Variants in KIAA0040 observed in about 807,000 individuals in gnomAD.
The protein encoded by KIAA0040 is uncharacterized protein KIAA0040.
A neutral mutation model predicts 7.2 loss-of-function variants in KIAA0040; 10 were observed. The ratio of observed to expected loss-of-function variants is 1.38; its 90% confidence interval spans 0.85 to 2.34. KIAA0040 has a LOEUF of 2.34. Among genes scored for constraint, KIAA0040 ranks in the 30% most tolerant of loss-of-function variants. The probability of loss-of-function intolerance (pLI) is 0.00; values close to 1 mark genes in which losing one functional copy is unlikely to be tolerated. For missense variants in KIAA0040, 89 were observed against 108.2 expected (o/e 0.82, Z 0.79); for synonymous variants, 49 against 40.1 (o/e 1.22, Z -0.84).
chr1:175,171,289 G>T (rs1676982906), intron 2 of KIAA0040, among the ~76,000 whole-genome samples: 1 of 152,164 alleles, frequency 6.6e-6, no homozygotes, highest in African/African-American at 2.4e-5. Flanking sequence ...CAATGCTGCT[G>T]TCACGCTGGT....
chr1:175,185,999 A>G (rs1317294313), intron 1 of KIAA0040, among the ~76,000 whole-genome samples: 1 of 152,244 alleles, frequency 6.6e-6, no homozygotes, highest in East Asian at 1.9e-4. Context: ...CCATAGAGGT[A>G]GGATGCAGAT....
intron 2 of KIAA0040, among the ~76,000 whole-genome samples, chr1:175,169,907 A>T (rs1051309765): frequency 1.3e-5 from 2 of 151,958 alleles, no homozygotes; most frequent in Admixed American, 6.5e-5. Context: ...CCCTCCCTCA[A>T]TGTATTTAAT....
intron 1 of KIAA0040, among the ~76,000 whole-genome samples, chr1:175,178,087 T>G (rs920414258): frequency 6.6e-6 from 1 of 152,240 alleles, no homozygotes; most frequent in Non-Finnish European, 1.5e-5. Context: ...AATGGCTGGA[T>G]GGAGACCACT....
At chr1:175,176,386 C>T (rs2101896077) in intron 2 of KIAA0040, 1 of 152,222 alleles carries the variant, frequency 6.6e-6, no homozygotes, top group East Asian at 1.9e-4. Flanking sequence ...ATTCTCATTC[C>T]AATAATAACT....
At chr1:175,170,088 G>C (rs1282323736) in intron 2 of KIAA0040, among the ~76,000 whole-genome samples, 1 of 152,214 alleles carries the variant, frequency 6.6e-6, no homozygotes, top group Non-Finnish European at 1.5e-5. Flanking sequence ...TCTGAACTGA[G>C]ATCTCGGGGT....
chr1:175,182,066 T>A (rs1677462276), intron 1 of KIAA0040, among the ~76,000 whole-genome samples: 1 of 152,220 alleles, frequency 6.6e-6, no homozygotes, highest in Admixed American at 6.5e-5. Context: ...GTTCTGGCCG[T>A]AGGAGGAGGC....
At chr1:175,168,337 T>C (rs1676853431) in intron 2 of KIAA0040, among the ~76,000 whole-genome samples, 1 of 152,176 alleles carries the variant, frequency 6.6e-6, no homozygotes, top group Admixed American at 6.5e-5. Context: ...TTTTCCCCAA[T>C]TTAATGAATT....
intron 2 of KIAA0040, among the ~76,000 whole-genome samples, chr1:175,170,810 C>A (rs1676960448): frequency 6.6e-6 from 1 of 151,896 alleles, no homozygotes. Context: ...CTGTTCTCCC[C>A]ACCAGAGCCA....
In KIAA0040 at chr1:175,161,043, C is replaced by T; in HGVS notation, c.-30G>A. The T allele has an allele frequency of 1.3e-6, 2 of 1,525,332 alleles. No individual in the cohort carries two copies. Among genetic ancestry groups the T allele is most frequent in the Non-Finnish European group, 1.8e-6 (2 of 1,133,990 alleles). The allele number at this position is 1,525,332 out of a possible 1,614,324, so 94.5% of individuals were successfully genotyped here. On this transcript the variant is annotated 5_prime_UTR_variant, in exon 4 of 4. Transcript: ENST00000423313. ...CTTGGCTAGATTAGGGCCAGAGAACCCTCTCGGCTTACAAGCAGGTCCTGG... is the reference window on the plus strand; with the variant it reads ...CTTGGCTAGATTAGGGCCAGAGAACTCTCTCGGCTTACAAGCAGGTCCTGG...
At chr1:175,173,439 G>T (rs1024838795) in intron 2 of KIAA0040, among the ~76,000 whole-genome samples, 1 of 152,216 alleles carries the variant, frequency 6.6e-6, no homozygotes, top group Non-Finnish European at 1.5e-5. Context: ...CAACTCAAGA[G>T]ATAGGCTTTT....
intron 2 of KIAA0040, among the ~76,000 whole-genome samples, chr1:175,173,502 G>A (rs3766695): frequency 0.24 from 36,015 of 152,098 alleles, 5,123 homozygotes; most frequent in Admixed American, 0.4. Context: ...AGATTTAAGT[G>A]ATTCGCCCAA....
intron 1 of KIAA0040, among the ~76,000 whole-genome samples, chr1:175,185,397 A>G (rs1677619982): frequency 6.6e-6 from 1 of 152,218 alleles, no homozygotes; most frequent in African/African-American, 2.4e-5. Context: ...ACTCAGTTAT[A>G]CCAAGAAGGG....
At chr1:175,165,174 AC>A (rs1676708282) in intron 3 of KIAA0040, among the ~76,000 whole-genome samples, 1 of 152,132 alleles carries the variant, frequency 6.6e-6, no homozygotes, top group African/African-American at 2.4e-5. Context: ...TCTGTCGCAA[AC>A]TTCTATCCAC....
intron 3 of KIAA0040, among the ~76,000 whole-genome samples, chr1:175,166,231 C>A (rs376516535): frequency 2.0e-5 from 3 of 152,204 alleles, no homozygotes; most frequent in Non-Finnish European, 4.4e-5. Flanking sequence ...GAGCTTTCTA[C>A]CTTGGGTGCG....
At chr1:175,178,793 T>A (rs1677310876) in intron 1 of KIAA0040, among the ~76,000 whole-genome samples, 1 of 152,206 alleles carries the variant, frequency 6.6e-6, no homozygotes, top group African/African-American at 2.4e-5. Flanking sequence ...GTTGTGAAAG[T>A]CAAATACTAA....
At chr1:175,177,813 T>C (rs1385510485) in intron 1 of KIAA0040, 129 bp from the exon 2 acceptor site, 1 of 152,230 alleles carries the variant, frequency 6.6e-6, no homozygotes, top group Non-Finnish European at 1.5e-5. Flanking sequence ...ATCACATGCA[T>C]ACACTTTCTA....
At chr1:175,189,333 T>C (rs1571221026) in intron 1 of KIAA0040, among the ~76,000 whole-genome samples, 2 of 152,258 alleles carry the variant, frequency 1.3e-5, no homozygotes, top group Admixed American at 6.5e-5. Flanking sequence ...ACCAGCACCT[T>C]GGTGAGAATT....
chr1:175,175,535 G>C (rs10753093), intron 2 of KIAA0040, among the ~76,000 whole-genome samples: 146,310 of 151,106 alleles, frequency 0.97, 70,841 homozygotes, highest in East Asian at 0.99. Context: ...GGTATATACC[G>C]AAAGGATTAT....
intron 2 of KIAA0040, among the ~76,000 whole-genome samples, chr1:175,169,544 A>G (rs1443820727): frequency 1.3e-5 from 2 of 152,210 alleles, no homozygotes; most frequent in African/African-American, 4.8e-5. Flanking sequence ...CAAAGTAAAC[A>G]GCCCTTGACT....
Sources: gnomAD v4.1 joint callset for allele counts (sites outside exome capture counted in the v4.1 genomes callset) on GRCh38, gnomAD v4.1.1 for gene constraint, MANE v1.5 for transcripts, NCBI Gene and HGNC (gene_info 2026-07-23, HGNC 2026-07-21) for gene names.